The following RBFOX1 variants were observed in gnomAD, a reference collection of about 807,000 sequenced individuals.
RBFOX1 encodes the protein RNA binding fox-1 homolog 1.
RBFOX1 carries 8 observed loss-of-function variants against 57.7 expected under a neutral mutation model. The ratio of observed to expected loss-of-function variants is 0.14; its 90% CI spans 0.08 to 0.25. RBFOX1 has a LOEUF of 0.25. RBFOX1 is among the 10% of genes least tolerant of loss of function. The pLI is 1.00. For missense variants in RBFOX1, 611 were observed against 548.5 expected (o/e 1.11, Z -1.14); for synonymous variants, 326 against 222.4 (o/e 1.47, Z -4.15).
At chr16:7,318,480 C>G (rs987236051) in intron 4 of RBFOX1, among the ~76,000 whole-genome samples, 2 of 152,098 alleles carry the variant, frequency 1.3e-5, no homozygotes, top group African/African-American at 4.8e-5. Flanking sequence ...CACTTACCAC[C>G]TTTGCACCGT....
chr16:6,666,557 A>G (rs1418899844), intron 3 of RBFOX1, among the ~76,000 whole-genome samples: 1 of 148,826 alleles, frequency 6.7e-6, no homozygotes, highest in African/African-American at 2.5e-5. Flanking sequence ...AAAAAAAAAA[A>G]ACAAATCATG....
At chr16:7,015,775 GA>G (rs1194239968) in intron 3 of RBFOX1, among the ~76,000 whole-genome samples, 2 of 151,222 alleles carry the variant, frequency 1.3e-5, no homozygotes, top group South Asian at 2.1e-4. Flanking sequence ...TTTTCTTAAA[GA>G]TTTTTTTTTT....
At position 7,713,306 on chromosome 16, in the gene RBFOX1, A is replaced by G. The variant is rs1463208985; in HGVS notation, c.*2561A>G. Reference sequence around the variant, plus strand: ...TGTGAATAAAGAAAACTGGTTTGTAATATCAAAAAAATAAAAGCTTAGTCT... The same window carrying G: ...TGTGAATAAAGAAAACTGGTTTGTAGTATCAAAAAAATAAAAGCTTAGTCT... On this transcript the variant is annotated 3_prime_UTR_variant, in exon 16 of 16. Transcript: ENST00000550418. The G allele has an allele frequency of 6.6e-6, 1 of 152,234 alleles. No homozygotes were observed. 9.4% of individuals were successfully genotyped at this position (152,234 alleles called of 1,614,324 possible).
chr16:6,727,384 C>T (rs1221798739), intron 3 of RBFOX1, among the ~76,000 whole-genome samples: 1 of 151,856 alleles, frequency 6.6e-6, no homozygotes, highest in Non-Finnish European at 1.5e-5. Flanking sequence ...TATCCAGGTT[C>T]TCATTAGTCT....
chr16:7,331,819 T>C (rs1261538763), intron 4 of RBFOX1, among the ~76,000 whole-genome samples: 1 of 152,162 alleles, frequency 6.6e-6, no homozygotes, highest in Non-Finnish European at 1.5e-5. Flanking sequence ...ATTAATTCAA[T>C]TGGAATTAAT....
At chr16:7,198,667 T>C (rs1295294169) in intron 4 of RBFOX1, among the ~76,000 whole-genome samples, 1 of 152,160 alleles carries the variant, frequency 6.6e-6, no homozygotes. Context: ...GAGGGAAGAA[T>C]AGATGAACTC....
chr16:5,415,535 T>A (rs2067138983), intron 1 of RBFOX1, among the ~76,000 whole-genome samples: 1 of 152,206 alleles, frequency 6.6e-6, no homozygotes, highest in African/African-American at 2.4e-5. Flanking sequence ...CCTGCTCTCC[T>A]CATTGTACAT....
intron 4 of RBFOX1, among the ~76,000 whole-genome samples, chr16:7,496,689 G>A (rs1242547305): frequency 1.7e-5 from 1 of 57,266 alleles, no homozygotes; most frequent in African/African-American, 6.3e-5. Context: ...CCTTAACAAA[G>A]ACTTTTTTTT....
chr16:5,332,693 CCCTT>C (rs1326590908), intron 1 of RBFOX1, among the ~76,000 whole-genome samples: 1 of 151,234 alleles, frequency 6.6e-6, no homozygotes, highest in Admixed American at 6.6e-5. Flanking sequence ...ATTTTTCACT[CCCTT>C]ATATCATTTG....
rs543292553 is a variant in RBFOX1, at chr16:7,160,489, TTATACA to T, written c.27+108396_27+108401del. Among the ~76,000 whole-genome samples, 290 of 152,324 alleles carry T rather than the reference TTATACA, an allele frequency of 1.9e-3. 2 individuals are homozygous for T. The highest frequency in any genetic ancestry group is 0.018 in the Admixed American group (269 of 15,300). On this transcript the variant is annotated intron_variant, in intron 4 of 15. Coordinates refer to ENST00000550418, the MANE Select transcript of RBFOX1 (RefSeq NM_018723.4). ...TGTAACGTGCAGCATGAACTACATT[TTATACA>T]TATAGATAAAAACTGTTATACATAT...
chr16:5,400,735 G>C (rs1489663533), intron 1 of RBFOX1, among the ~76,000 whole-genome samples: 9 of 151,346 alleles, frequency 5.9e-5, no homozygotes, highest in African/African-American at 1.5e-4. Flanking sequence ...TTGTTAAATT[G>C]CTTTTAAGGA....
At chr16:7,161,151 C>G (rs1281330929) in intron 4 of RBFOX1, among the ~76,000 whole-genome samples, 3 of 152,102 alleles carry the variant, frequency 2.0e-5, no homozygotes, top group African/African-American at 4.8e-5. Flanking sequence ...TTTTATACCA[C>G]TTTCTATCTC....
chr16:5,825,073 C>G (rs140348741), intron 3 of RBFOX1, among the ~76,000 whole-genome samples: 1,872 of 152,308 alleles, frequency 0.012, 20 homozygotes, highest in Non-Finnish European at 0.019. Context: ...AAGTTAGACT[C>G]TTGGAGCATC....
At chr16:7,655,940 T>A (rs1004115857) in intron 12 of RBFOX1, among the ~76,000 whole-genome samples, 3 of 152,262 alleles carry the variant, frequency 2.0e-5, no homozygotes, top group African/African-American at 7.2e-5. Flanking sequence ...TAACCATGCA[T>A]AACTAATTAA....
At chr16:6,669,154 C>G (rs972848933) in intron 3 of RBFOX1, among the ~76,000 whole-genome samples, 3 of 152,006 alleles carry the variant, frequency 2.0e-5, no homozygotes, top group Non-Finnish European at 4.4e-5. Flanking sequence ...GGTCAGAAAA[C>G]CCAGGGATTA....
At chr16:7,190,153 G>A (rs1001868910) in intron 4 of RBFOX1, among the ~76,000 whole-genome samples, 1 of 152,134 alleles carries the variant, frequency 6.6e-6, no homozygotes, top group African/African-American at 2.4e-5. Flanking sequence ...TCTAGGTCAG[G>A]AGTTCGAGAC....
chr16:6,835,313 T>A (rs1475477717), intron 3 of RBFOX1, among the ~76,000 whole-genome samples: 2 of 152,178 alleles, frequency 1.3e-5, no homozygotes, highest in Non-Finnish European at 2.9e-5. Flanking sequence ...TTCAGTGTCC[T>A]AAGCTAGCCC....
At chr16:5,306,794 T>C (rs1248906798) in intron 1 of RBFOX1, among the ~76,000 whole-genome samples, 1 of 152,196 alleles carries the variant, frequency 6.6e-6, no homozygotes, top group Admixed American at 6.5e-5. Context: ...TTCTGCGTCT[T>C]GCAGGACCGT....
chr16:5,466,756 G>C (rs1597181924), intron 1 of RBFOX1, among the ~76,000 whole-genome samples: 1 of 152,156 alleles, frequency 6.6e-6, no homozygotes, highest in African/African-American at 2.4e-5. Context: ...GCCTCCTAGA[G>C]CTTGTCCATT....
Sources: gnomAD v4.1 joint callset for allele counts (sites outside exome capture counted in the v4.1 genomes callset) on GRCh38, gnomAD v4.1.1 for gene constraint, MANE v1.5 for transcripts, NCBI Gene and HGNC (gene_info 2026-07-23, HGNC 2026-07-21) for gene names.